Variants in PTPRJ observed in about 807,000 individuals in gnomAD.
PTPRJ encodes protein tyrosine phosphatase receptor type J.
In PTPRJ, 129 loss-of-function variants were observed where a neutral mutation model predicts 141.3. The observed-to-expected ratio is 0.91, with a 90% confidence interval of 0.79 to 1.06. The LOEUF (loss-of-function observed/expected upper bound fraction) is 1.06. Among genes scored for constraint, PTPRJ ranks in the 50% least tolerant of loss-of-function variants. The pLI is 0.00. For missense variants in PTPRJ, 1,601 were observed against 1,679.7 expected (o/e 0.95, Z 0.82); for synonymous variants, 610 against 640.5 (o/e 0.95, Z 0.72).
intron 1 of PTPRJ, among the ~76,000 whole-genome samples, chr11:48,076,073 T>C (rs1165170778): frequency 1.3e-5 from 2 of 152,184 alleles, no homozygotes; most frequent in Non-Finnish European, 2.9e-5. Flanking sequence ...AATTACCCTA[T>C]AGGAAGAACA....
At chr11:48,103,223 C>A (rs959703032) in intron 1 of PTPRJ, among the ~76,000 whole-genome samples, 1 of 152,102 alleles carries the variant, frequency 6.6e-6, no homozygotes, top group Non-Finnish European at 1.5e-5. Flanking sequence ...ACTTTGGAAA[C>A]CTGAGGTGGA....
At chr11:48,008,377 A>G (rs1211604800) in intron 1 of PTPRJ, among the ~76,000 whole-genome samples, 1 of 150,662 alleles carries the variant, frequency 6.6e-6, no homozygotes, top group Non-Finnish European at 1.5e-5. Context: ...TCTCTGCCTC[A>G]TCCTCCCGAG....
chr11:48,166,270 A>AACAC (rs747197052), intron 24 of PTPRJ, among the ~76,000 whole-genome samples: 86 of 150,008 alleles, frequency 5.7e-4, no homozygotes, highest in African/African-American at 2.0e-3. Flanking sequence ...TACATCTGTA[A>AACAC]ACACACACAC....
chr11:48,132,672 C>T (rs902435662), intron 8 of PTPRJ: 3 of 867,764 alleles, frequency 3.5e-6, no homozygotes, highest in Non-Finnish European at 4.1e-6. Context: ...TGCACATGTA[C>T]CCTAGAACTT....
intron 1 of PTPRJ, among the ~76,000 whole-genome samples, chr11:48,009,508 A>T (rs1854719768): frequency 6.6e-6 from 1 of 152,154 alleles, no homozygotes; most frequent in South Asian, 2.1e-4. Flanking sequence ...AGGCAGAAGG[A>T]TCACTTGAAC....
chr11:48,102,199 A>G (rs1213485721), intron 1 of PTPRJ, among the ~76,000 whole-genome samples: 2 of 152,150 alleles, frequency 1.3e-5, no homozygotes, highest in Non-Finnish European at 2.9e-5. Flanking sequence ...GATAGAGAAA[A>G]TCAACATCGT....
At chr11:48,135,634 AC>A (rs1857082910) in intron 8 of PTPRJ, among the ~76,000 whole-genome samples, 1 of 152,000 alleles carries the variant, frequency 6.6e-6, no homozygotes, top group South Asian at 2.1e-4. Context: ...GGCGTGTACC[AC>A]CACACCCAAC....
intron 4 of PTPRJ, among the ~76,000 whole-genome samples, chr11:48,122,818 T>C (rs1202916159): frequency 2.0e-5 from 3 of 152,210 alleles, no homozygotes; most frequent in African/African-American, 7.2e-5. Flanking sequence ...TCTAGGCCGA[T>C]GTCTTTACCT....
Position 48,096,125 on chromosome 11 carries a change from ATT to A in PTPRJ, c.97-13931_97-13930del, listed in dbSNP as rs758951201. On this transcript the variant is annotated intron_variant, in intron 1 of 24. Transcript: ENST00000418331. ...ATCACAGTTCATTGCCGTTTACAGA[ATT>A]TGTCTGCACCCATTGTGCCTTTTAA... Among the ~76,000 whole-genome samples, 7 of 152,286 alleles carry A rather than the reference ATT, an allele frequency of 4.6e-5. No individual in the cohort carries two copies. In the East Asian group the frequency reaches 1.4e-3, roughly 29 times the overall value.
chr11:48,119,201 T>A (rs1239171674), intron 3 of PTPRJ, among the ~76,000 whole-genome samples: 2 of 152,108 alleles, frequency 1.3e-5, no homozygotes, highest in Non-Finnish European at 2.9e-5. Flanking sequence ...CTCGTCACCA[T>A]CATTGTTATT....
intron 1 of PTPRJ, among the ~76,000 whole-genome samples, chr11:48,102,879 A>ACC (rs1050187627): frequency 6.6e-6 from 1 of 152,024 alleles, no homozygotes; most frequent in African/African-American, 2.4e-5. Context: ...GGGATTGCCA[A>ACC]CTCTGACCCT....
At chr11:48,019,724 G>A (rs778144942) in intron 1 of PTPRJ, among the ~76,000 whole-genome samples, 1 of 152,090 alleles carries the variant, frequency 6.6e-6, no homozygotes, top group Non-Finnish European at 1.5e-5. Flanking sequence ...GCATCCAAGC[G>A]TACCCTATCG....
intron 23 of PTPRJ, 78 bp from the exon 24 acceptor site, chr11:48,164,302 T>C: frequency 3.9e-6 from 6 of 1,546,922 alleles, no homozygotes; most frequent in Non-Finnish European, 5.3e-6. Context: ...AAGCAAGATA[T>C]ATGTACAAAT....
chr11:48,027,567 G>T (rs1853852514), intron 1 of PTPRJ, among the ~76,000 whole-genome samples: 1 of 151,938 alleles, frequency 6.6e-6, no homozygotes, highest in Admixed American at 6.6e-5. Flanking sequence ...GAGGCAGGTG[G>T]ATCACCTGAG....
chr11:48,111,184 G>A (rs1227603952), intron 2 of PTPRJ, among the ~76,000 whole-genome samples: 2 of 150,768 alleles, frequency 1.3e-5, no homozygotes, highest in Non-Finnish European at 2.9e-5. Context: ...GGAGGCTGAG[G>A]CAGGAGAATC....
chr11:48,122,759 T>C (rs146249166), intron 4 of PTPRJ, among the ~76,000 whole-genome samples: 175 of 152,368 alleles, frequency 1.1e-3, no homozygotes, highest in African/African-American at 4.0e-3. Flanking sequence ...AGACATGTGC[T>C]GTGAAGAATC....
At chr11:48,049,108 G>A (rs117578173) in intron 1 of PTPRJ, among the ~76,000 whole-genome samples, 3 of 152,174 alleles carry the variant, frequency 2.0e-5, no homozygotes, top group Non-Finnish European at 4.4e-5. Flanking sequence ...TCTCAGCCTC[G>A]GCACTACTGA....
At chr11:48,149,655 T>C (rs1352245365) in intron 16 of PTPRJ, 167 bp downstream of exon 16, 4 of 559,328 alleles carry the variant, frequency 7.2e-6, no homozygotes, top group Non-Finnish European at 1.2e-5. Flanking sequence ...GAATCTATGT[T>C]TTATTAGTCT....
At chr11:48,013,244 C>G (rs1052728658) in intron 1 of PTPRJ, among the ~76,000 whole-genome samples, 2 of 152,022 alleles carry the variant, frequency 1.3e-5, no homozygotes, top group Non-Finnish European at 2.9e-5. Flanking sequence ...CTTTCAAACA[C>G]ATGGAATGGG....
Sources: allele counts gnomAD v4.1 joint callset (sites outside exome capture counted in the v4.1 genomes callset), GRCh38; gene constraint gnomAD v4.1.1; transcripts MANE v1.5; gene names NCBI Gene and HGNC (gene_info 2026-07-23, HGNC 2026-07-21).